The following PATJ variants were observed in gnomAD, a reference collection of about 807,000 sequenced individuals.
PATJ encodes the protein PATJ crumbs cell polarity complex component.
PATJ carries 190 observed loss-of-function variants against 224.9 expected under a neutral mutation model. The observed-to-expected ratio is 0.84, with a 90% CI of 0.75 to 0.95. The LOEUF (loss-of-function observed/expected upper bound fraction) is 0.95. Ranked by LOEUF, PATJ falls within the 40% of genes least tolerant of loss-of-function variation. The probability of loss-of-function intolerance (pLI) is 0.00; values close to 1 mark genes in which losing one functional copy is unlikely to be tolerated. For missense variants in PATJ, 2,121 were observed against 2,270.3 expected, an observed-to-expected ratio of 0.93 and a Z score of 1.34; for synonymous variants, 769 against 820.3, an observed-to-expected ratio of 0.94 and a Z score of 1.07.
At position 62,123,469 on chromosome 1, in the gene PATJ, CTTTTTTTTTTTT is replaced by C. The variant is rs34621846; in HGVS notation, c.5043+426_5043+437del. On this transcript the variant is annotated intron_variant, in intron 39 of 43. Coordinates refer to ENST00000642238, the MANE Select transcript of PATJ (RefSeq NM_001350145.3). ...CATCTTATGAATGTGCTATAAGTTT[CTTTTTTTTTTTT>C]TTTTTTTTTTTTTTGAGACAGAGTC... Among the ~76,000 whole-genome samples, 12 of 64,562 alleles carry C rather than the reference CTTTTTTTTTTTT, an allele frequency of 1.9e-4. No homozygotes were observed. The South Asian group carries it at 8.9e-3, about 48-fold the overall frequency. The allele number at this position is 64,562 out of a possible 152,430, so 42.4% of individuals were successfully genotyped here.
rs544535776 is a variant in PATJ, at chr1:62,005,034, T to C, written c.3868-12822T>C. On this transcript the variant is annotated intron_variant, in intron 28 of 43. Transcript: ENST00000642238. ...TACCACAGTTTTCCATTTATTGATA[T>C]ACGATTATTAGTATAATTGTTTGTT... is the stretch of plus-strand genomic sequence containing the variant. 5.1e-4 allele frequency among the ~76,000 whole-genome samples: 77 copies of C among 152,366 alleles called. 1 individual carries two copies. Among genetic ancestry groups the C allele is most frequent in the African/African-American group, 1.6e-3 (68 of 41,580 alleles).
chr1:61,813,481 A>C (rs896498955), intron 14 of PATJ, among the ~76,000 whole-genome samples: 2 of 150,834 alleles, frequency 1.3e-5, no homozygotes, highest in Non-Finnish European at 3.0e-5. Context: ...TTTCAGAACC[A>C]CCTTATAAAA....
At chr1:62,010,293 AGTT>A (rs1439074719) in intron 28 of PATJ, among the ~76,000 whole-genome samples, 1 of 149,946 alleles carries the variant, frequency 6.7e-6, no homozygotes, top group Non-Finnish European at 1.5e-5. Flanking sequence ...CATTCATGAG[AGTT>A]GTTATCAGCT....
chr1:62,029,519 T>G (rs188847978), intron 29 of PATJ, among the ~76,000 whole-genome samples: 4 of 152,362 alleles, frequency 2.6e-5, no homozygotes, highest in Admixed American at 2.6e-4. Flanking sequence ...AAATCCCTTA[T>G]TACAGTTTGA....
rs973895851 is a variant in PATJ at position 61,758,695 on chromosome 1, C to T, written c.-35-4163C>T. ...ACAGAAGTAAAATTCAACCTTGGGA[C>T]ACAAGTTTTTGCTTTGGATTAACAA... On this transcript the variant is annotated intron_variant, in intron 1 of 43. Transcript: ENST00000642238. Among the ~76,000 whole-genome samples the T allele has an allele frequency of 4.5e-4, 69 of 152,126 alleles. 2 individuals are homozygous for T. The highest frequency in any genetic ancestry group is 3.3e-4 in the Admixed American group (5 of 15,264).
intron 38 of PATJ, among the ~76,000 whole-genome samples, chr1:62,122,080 C>T (rs1056554012): frequency 7.9e-5 from 12 of 151,782 alleles, no homozygotes; most frequent in African/African-American, 2.9e-4. Flanking sequence ...ACACAAATGA[C>T]TCAGCCGGGC....
intron 30 of PATJ, among the ~76,000 whole-genome samples, chr1:62,048,545 C>CAAAAAAAAAAAAAAA (rs773157635): frequency 1.4e-3 from 92 of 66,154 alleles, no homozygotes; most frequent in East Asian, 2.5e-3. Flanking sequence ...GACTCTGTCT[C>CAAAAAAAAAAAAAAA]AAAAAAAAAA....
chr1:61,784,586 A>T (rs1048943777), intron 7 of PATJ, among the ~76,000 whole-genome samples: 1 of 152,256 alleles, frequency 6.6e-6, no homozygotes, highest in Non-Finnish European at 1.5e-5. Flanking sequence ...CTAGGAAGTG[A>T]CTAAAAATAT....
At chr1:62,036,384 CT>C (rs1480705532) in intron 29 of PATJ, among the ~76,000 whole-genome samples, 1 of 152,128 alleles carries the variant, frequency 6.6e-6, no homozygotes, top group African/African-American at 2.4e-5. Context: ...AGAATGACCC[CT>C]GTTTCCTGGT....
At position 62,117,309 on chromosome 1, in the gene PATJ, A is replaced by C. The variant is rs1664546811; in HGVS notation, c.4890+91A>C. On this transcript the variant is annotated intron_variant, in intron 37 of 43. Coordinates refer to ENST00000642238, the MANE Select transcript of PATJ (RefSeq NM_001350145.3). ...TAATAAATGGTTGTTTGGAAATAATATCTAATGTACAGCATATTCACAGCA... is the reference window on the plus strand; with the variant it reads ...TAATAAATGGTTGTTTGGAAATAATCTCTAATGTACAGCATATTCACAGCA... 1.9e-6 allele frequency: 3 copies of C among 1,578,704 alleles called. 1 individual carries two copies.
At chr1:61,906,159 A>G (rs753734911) in intron 24 of PATJ, among the ~76,000 whole-genome samples, 1 of 152,222 alleles carries the variant, frequency 6.6e-6, no homozygotes, top group Non-Finnish European at 1.5e-5. Flanking sequence ...ATAGATGGAC[A>G]GCCAGATGAA....
At chr1:62,073,057 G>A (rs1657710962) in intron 31 of PATJ, 3 of 985,390 alleles carry the variant, frequency 3.0e-6, no homozygotes, top group Non-Finnish European at 3.6e-6. Flanking sequence ...GGGCATGGTG[G>A]CAGATCAGCA....
At chr1:62,030,726 GGTT>G (rs1431320244) in intron 29 of PATJ, among the ~76,000 whole-genome samples, 1 of 152,106 alleles carries the variant, frequency 6.6e-6, no homozygotes, top group Non-Finnish European at 1.5e-5. Context: ...TGTCACTATA[GGTT>G]AGTTTCAACT....
chr1:61,950,050 A>G (rs1679401064), intron 27 of PATJ, among the ~76,000 whole-genome samples: 1 of 151,868 alleles, frequency 6.6e-6, no homozygotes, highest in Non-Finnish European at 1.5e-5. Flanking sequence ...TGAAAATACA[A>G]AACATTAGCT....
At chr1:62,013,294 A>G (rs761534793) in intron 28 of PATJ, 9 of 951,026 alleles carry the variant, frequency 9.5e-6, no homozygotes, top group Non-Finnish European at 1.0e-5. Flanking sequence ...TAGATTTCCT[A>G]CATGCTCAAG....
intron 27 of PATJ, among the ~76,000 whole-genome samples, chr1:61,956,851 G>T (rs1680509640): frequency 6.6e-6 from 1 of 152,206 alleles, no homozygotes; most frequent in Non-Finnish European, 1.5e-5. Context: ...TTAGTCACGT[G>T]TTTCAACTGT....
intron 22 of PATJ, among the ~76,000 whole-genome samples, chr1:61,890,643 C>G (rs995412521): frequency 2.0e-5 from 3 of 151,802 alleles, no homozygotes; most frequent in Non-Finnish European, 4.4e-5. Flanking sequence ...ATCACAGGCA[C>G]CTGCCACCAT....
chr1:62,084,687 A>G (rs1260374088), intron 33 of PATJ, 39 bp downstream of exon 33: 1 of 1,602,458 alleles, frequency 6.2e-7, no homozygotes, highest in Non-Finnish European at 8.5e-7. Context: ...CTGTCATAGA[A>G]CTAGTTGTTG....
At chr1:62,063,953 G>T (rs1263930481) in intron 31 of PATJ, among the ~76,000 whole-genome samples, 1 of 152,142 alleles carries the variant, frequency 6.6e-6, no homozygotes, top group African/African-American at 2.4e-5. Context: ...TGAAGGCAGA[G>T]AATTTGACTT....
Sources: allele counts gnomAD v4.1 joint callset (sites outside exome capture counted in the v4.1 genomes callset), GRCh38; gene constraint gnomAD v4.1.1; transcripts MANE v1.5; gene names NCBI Gene and HGNC (gene_info 2026-07-23, HGNC 2026-07-21).